Variants in PALS2 observed in about 807,000 individuals in gnomAD.
The protein encoded by PALS2 is protein PALS2.
In PALS2, 27 loss-of-function variants were observed where a neutral mutation model predicts 61.6. That is an observed-to-expected ratio of 0.44 (90% CI 0.32 to 0.60). The LOEUF (loss-of-function observed/expected upper bound fraction) is 0.60, where lower values mean the gene tolerates loss of function less well. Ranked by LOEUF, PALS2 falls within the 20% of genes least tolerant of loss-of-function variation. The pLI is 0.05. For missense variants in PALS2, 554 were observed against 639.4 expected (o/e 0.87, Z 1.44); for synonymous variants, 236 against 218.6 (o/e 1.08, Z -0.70).
chr7:24,633,581 C>T (rs1583910985), intron 2 of PALS2, among the ~76,000 whole-genome samples: 1 of 150,642 alleles, frequency 6.6e-6, no homozygotes, highest in Admixed American at 6.7e-5. Flanking sequence ...CTATGAGTCT[C>T]GTGGATCTGT....
At chr7:24,622,683 C>CTTTTTTTTTT (rs70942815) in intron 1 of PALS2, among the ~76,000 whole-genome samples, 2 of 135,698 alleles carry the variant, frequency 1.5e-5, no homozygotes, top group Non-Finnish European at 3.2e-5. Context: ...TTTCTTTTTT[C>CTTTTTTTTTT]TTTTTTTTTT....
chr7:24,630,492 T>A (rs1407220247), intron 2 of PALS2, among the ~76,000 whole-genome samples: 2 of 151,792 alleles, frequency 1.3e-5, no homozygotes, highest in Admixed American at 6.6e-5. Context: ...TAATAATTTT[T>A]AAAAAAAAGA....
At chr7:24,633,079 TG>T (rs1474592178) in intron 2 of PALS2, among the ~76,000 whole-genome samples, 6 of 152,268 alleles carry the variant, frequency 3.9e-5, no homozygotes, top group African/African-American at 1.4e-4. Flanking sequence ...TCAAATACAT[TG>T]TTGTGAATAA....
In PALS2 at chr7:24,618,169, A is replaced by G. The variant is rs1379174813; in HGVS notation, c.-2-5497A>G. On this transcript the variant is annotated intron_variant, in intron 1 of 11. Coordinates refer to ENST00000222644, the MANE Select transcript of PALS2 (RefSeq NM_001303037.2). This position sits in a 1 kb window ranked among gnomAD's most constrained non-coding sequence, Gnocchi z 5.1. Reference sequence around the variant, plus strand: ...GCAACTACCCGGCCACCATGGGGACATGTCAGCTGCTCAGTTGCTCAGGGA... The same window carrying G: ...GCAACTACCCGGCCACCATGGGGACGTGTCAGCTGCTCAGTTGCTCAGGGA... Among the ~76,000 whole-genome samples the G allele has an allele frequency of 6.6e-6, 1 of 152,172 alleles. No homozygotes were observed. The highest frequency in any genetic ancestry group is 1.5e-5 in the Non-Finnish European group (1 of 68,024).
chr7:24,683,604 C>T (rs1373241340), intron 11 of PALS2, among the ~76,000 whole-genome samples: 1 of 151,478 alleles, frequency 6.6e-6, no homozygotes, highest in African/African-American at 2.4e-5. Flanking sequence ...TCATCTTGTA[C>T]ATTTTCTGTT....
chr7:24,653,052 C>G (rs752903242), intron 5 of PALS2, among the ~76,000 whole-genome samples: 1 of 152,132 alleles, frequency 6.6e-6, no homozygotes. Context: ...GGAATTCTCT[C>G]TTATTCTTTG....
At chr7:24,602,154 T>C (rs888679907) in intron 1 of PALS2, among the ~76,000 whole-genome samples, 2 of 152,252 alleles carry the variant, frequency 1.3e-5, no homozygotes. Context: ...ATGATTTCCA[T>C]TGAATTTTTT....
chr7:24,669,400 G>T (rs1412138646), intron 9 of PALS2, among the ~76,000 whole-genome samples: 1 of 152,168 alleles, frequency 6.6e-6, no homozygotes, highest in East Asian at 1.9e-4. Flanking sequence ...ATTTGTCTCT[G>T]ACTGTAGGGA....
intron 1 of PALS2, among the ~76,000 whole-genome samples, chr7:24,583,353 T>C (rs1257099900): frequency 2.6e-5 from 4 of 152,186 alleles, no homozygotes; most frequent in Non-Finnish European, 4.4e-5. Context: ...AACCAATCCT[T>C]AGCATTAAGC....
In PALS2 at chr7:24,679,353, A is replaced by G. The variant is rs781306307; in HGVS notation, c.1317+20A>G. On this transcript the variant is annotated intron_variant, in intron 10 of 11. Coordinates refer to ENST00000222644, the MANE Select transcript of PALS2 (RefSeq NM_001303037.2). ...CCACAAGTAAGCTGCTTGGATTCCA[A>G]AGCTGTTTTATATTTTATTTTCTGT... 5 of 1,609,984 alleles carry G rather than the reference A, an allele frequency of 3.1e-6. No individual in the cohort carries two copies. The highest frequency in any genetic ancestry group is 4.2e-6 in the Non-Finnish European group (5 of 1,178,000).
chr7:24,590,951 C>T (rs1783261996), intron 1 of PALS2, among the ~76,000 whole-genome samples: 1 of 151,814 alleles, frequency 6.6e-6, no homozygotes, highest in Non-Finnish European at 1.5e-5. Context: ...CTTTGCCAAA[C>T]CAGCAAGCCT....
At chr7:24,579,845 T>C (rs550861387) in intron 1 of PALS2, among the ~76,000 whole-genome samples, 2 of 152,336 alleles carry the variant, frequency 1.3e-5, no homozygotes, top group African/African-American at 4.8e-5. Context: ...TTTTTATAAA[T>C]CTTGGTTTAT....
intron 5 of PALS2, among the ~76,000 whole-genome samples, chr7:24,653,691 AT>A (rs1786276337): frequency 2.0e-5 from 3 of 152,228 alleles, no homozygotes; most frequent in African/African-American, 7.2e-5. Context: ...GATAAAAAAA[AT>A]CTTCAGTTTT....
At chr7:24,656,283 T>G (rs1421397397) in intron 5 of PALS2, among the ~76,000 whole-genome samples, 2 of 152,218 alleles carry the variant, frequency 1.3e-5, no homozygotes, top group African/African-American at 4.8e-5. Context: ...TCTAGCCGTT[T>G]CATCCATTTA....
At chr7:24,675,663 T>C (rs1583995211) in intron 9 of PALS2, among the ~76,000 whole-genome samples, 1 of 142,554 alleles carries the variant, frequency 7.0e-6, no homozygotes, top group African/African-American at 2.7e-5. Context: ...GTTCTTGCGA[T>C]AGTTTACTGA....
chr7:24,609,574 C>T (rs1021357829), intron 1 of PALS2, among the ~76,000 whole-genome samples: 1 of 151,944 alleles, frequency 6.6e-6, no homozygotes, highest in Non-Finnish European at 1.5e-5. Context: ...TTTTTTTCTC[C>T]CTAAGTGCCA....
chr7:24,644,621 C>T (rs1156903347), intron 3 of PALS2, among the ~76,000 whole-genome samples: 1 of 151,826 alleles, frequency 6.6e-6, no homozygotes, highest in East Asian at 1.9e-4. Flanking sequence ...GCATGCATGT[C>T]TTTATGGTAG....
chr7:24,615,429 C>A (rs1784260511), intron 1 of PALS2, among the ~76,000 whole-genome samples: 1 of 151,690 alleles, frequency 6.6e-6, no homozygotes, highest in Non-Finnish European at 1.5e-5. Context: ...TACAGAAACA[C>A]AAGGATCATT....
intron 1 of PALS2, among the ~76,000 whole-genome samples, chr7:24,585,316 G>T (rs1783018602): frequency 6.6e-6 from 1 of 152,002 alleles, no homozygotes. Context: ...TCTTGCATTT[G>T]TTTGTATCCT....
Sources: allele counts gnomAD v4.1 joint callset (sites outside exome capture counted in the v4.1 genomes callset), GRCh38; gene constraint gnomAD v4.1.1; non-coding constraint Gnocchi (gnomAD v3.1); transcripts MANE v1.5; gene names NCBI Gene and HGNC (gene_info 2026-07-23, HGNC 2026-07-21).